EYS: variants seen among roughly 807,000 people sequenced by gnomAD.
EYS encodes the protein protein eyes shut homolog.
EYS carries 250 observed loss-of-function variants against 282.1 expected under a neutral mutation model. The ratio of observed to expected loss-of-function variants is 0.89; its 90% confidence interval spans 0.80 to 0.98. EYS has a LOEUF of 0.98. Ranked by LOEUF, EYS falls within the 50% of genes least tolerant of loss-of-function variation. The probability of loss-of-function intolerance (pLI) is 0.00; values close to 1 mark genes in which losing one functional copy is unlikely to be tolerated. For missense variants in EYS, 4,016 were observed against 3,709.0 expected (o/e 1.08, Z -2.15); for synonymous variants, 1,355 against 1,282.9 (o/e 1.06, Z -1.20).
At chr6:64,079,181 T>C (rs1194230586) in intron 32 of EYS, among the ~76,000 whole-genome samples, 2 of 152,092 alleles carry the variant, frequency 1.3e-5, no homozygotes, top group Non-Finnish European at 2.9e-5. Flanking sequence ...AGATTTTGTA[T>C]AAAAAACAAG....
chr6:64,808,622 TG>T (rs1764506652), intron 22 of EYS, among the ~76,000 whole-genome samples: 1 of 151,904 alleles, frequency 6.6e-6, no homozygotes, highest in Non-Finnish European at 1.5e-5. Context: ...CTGGGTTTCT[TG>T]GTAATTTTTT....
At chr6:65,401,300 A>T (rs1262522193) in intron 7 of EYS, among the ~76,000 whole-genome samples, 1 of 151,608 alleles carries the variant, frequency 6.6e-6, no homozygotes, top group African/African-American at 2.4e-5. Flanking sequence ...CTTCATACTT[A>T]ATTAATATTT....
chr6:64,291,762 C>T (rs1478566538), intron 30 of EYS, among the ~76,000 whole-genome samples: 23 of 151,728 alleles, frequency 1.5e-4, no homozygotes, highest in Admixed American at 1.5e-3. Flanking sequence ...TTATTTTTTA[C>T]TGGAATAAAA....
intron 5 of EYS, among the ~76,000 whole-genome samples, chr6:65,430,920 G>T (rs927491116): frequency 1.3e-5 from 2 of 152,200 alleles, no homozygotes; most frequent in Non-Finnish European, 2.9e-5. Flanking sequence ...GAGCCTCTGA[G>T]ACTTGCTGTC....
intron 31 of EYS, among the ~76,000 whole-genome samples, chr6:64,091,923 C>T (rs1340917587): frequency 6.6e-6 from 1 of 152,088 alleles, no homozygotes; most frequent in Non-Finnish European, 1.5e-5. Context: ...ACAACAGGCC[C>T]CAGTGTGTGA....
chr6:65,697,952 A>C (rs2149849625), intron 1 of EYS, among the ~76,000 whole-genome samples: 1 of 152,290 alleles, frequency 6.6e-6, no homozygotes, highest in South Asian at 2.1e-4. Context: ...AAATATACAA[A>C]GTAACAAATA....
At chr6:63,933,450 GC>G (rs946987644) in intron 35 of EYS, among the ~76,000 whole-genome samples, 1 of 152,106 alleles carries the variant, frequency 6.6e-6, no homozygotes, top group Admixed American at 6.5e-5. Context: ...CAGGTGATGT[GC>G]CCACCTCGGC....
At chr6:63,763,962 C>CCTCCCTCA (rs1045678932) in intron 40 of EYS, among the ~76,000 whole-genome samples, 1 of 148,364 alleles carries the variant, frequency 6.7e-6, no homozygotes, top group Non-Finnish European at 1.5e-5. Flanking sequence ...GGCCTCCCTC[C>CCTCCCTCA]CTCCCTCACT....
chr6:64,753,176 A>G (rs1400743878), intron 22 of EYS, among the ~76,000 whole-genome samples: 2 of 152,162 alleles, frequency 1.3e-5, no homozygotes, highest in East Asian at 1.9e-4. Flanking sequence ...GTCTTATAAA[A>G]TAAGTATACA....
intron 22 of EYS, among the ~76,000 whole-genome samples, chr6:64,647,256 A>G (rs1768386693): frequency 6.6e-6 from 1 of 152,180 alleles, no homozygotes. Flanking sequence ...TCTAAACAAA[A>G]ATGACTACAA....
chr6:64,592,021 A>G, intron 25 of EYS, 32 bp from the exon 26 acceptor site: 1 of 1,426,230 alleles, frequency 7.0e-7, no homozygotes, highest in Non-Finnish European at 9.2e-7. Context: ...AAAAGGTTAG[A>G]AAAATGAATC....
chr6:64,937,511 C>A (rs1298522816), intron 15 of EYS, among the ~76,000 whole-genome samples: 2 of 151,456 alleles, frequency 1.3e-5, no homozygotes, highest in African/African-American at 4.8e-5. Context: ...AAAAGAGATA[C>A]ACGAGGTCAG....
chr6:65,006,805 C>G (rs183135395), intron 13 of EYS, among the ~76,000 whole-genome samples: 2 of 152,204 alleles, frequency 1.3e-5, no homozygotes, highest in African/African-American at 4.8e-5. Context: ...GAAAAATTGC[C>G]TAATAATTGG....
chr6:65,547,930 T>C (rs1166806900), intron 2 of EYS, among the ~76,000 whole-genome samples: 1 of 152,186 alleles, frequency 6.6e-6, no homozygotes, highest in Non-Finnish European at 1.5e-5. Context: ...CTTATTTACC[T>C]TGACAAGGCT....
Position 65,324,148 on chromosome 6 carries a change from C to G in EYS, c.1766+10832G>C, listed in dbSNP as rs955298026. 2.7e-4 allele frequency among the ~76,000 whole-genome samples: 41 copies of G among 151,626 alleles called. 2 individuals carry two copies. The highest frequency in any genetic ancestry group is 6.8e-4 in the African/African-American group (28 of 41,404). ...TGCCTGGCTACGCTATATAAAATAG[C>G]CCCTTTCCCAGCTTTCTTTATCAAT... On this transcript the variant is annotated intron_variant, in intron 11 of 42. Coordinates refer to ENST00000503581, the MANE Select transcript of EYS (RefSeq NM_001142800.2).
At chr6:64,828,825 G>C (rs939452673) in intron 19 of EYS, among the ~76,000 whole-genome samples, 4 of 151,986 alleles carry the variant, frequency 2.6e-5, no homozygotes, top group African/African-American at 9.7e-5. Flanking sequence ...GGCCCTCCCT[G>C]GTGGCCATCT....
intron 29 of EYS, among the ~76,000 whole-genome samples, chr6:64,339,994 C>A (rs1487980642): frequency 3.3e-5 from 5 of 151,530 alleles, no homozygotes; most frequent in Non-Finnish European, 5.9e-5. Flanking sequence ...CAAATCACCA[C>A]TAAAGAACTT....
At chr6:65,058,951 T>C (rs1773491985) in intron 12 of EYS, among the ~76,000 whole-genome samples, 1 of 152,056 alleles carries the variant, frequency 6.6e-6, no homozygotes, top group African/African-American at 2.4e-5. Flanking sequence ...AACAGTAACA[T>C]GAATTTAGAA....
chr6:64,763,405 G>C (rs1226720492), intron 22 of EYS, among the ~76,000 whole-genome samples: 2 of 152,012 alleles, frequency 1.3e-5, no homozygotes, highest in Non-Finnish European at 2.9e-5. Flanking sequence ...CAGAGCAAGG[G>C]GAGATGTGCC....
Sources: allele counts gnomAD v4.1 joint callset (sites outside exome capture counted in the v4.1 genomes callset), GRCh38; gene constraint gnomAD v4.1.1; transcripts MANE v1.5; gene names NCBI Gene and HGNC (gene_info 2026-07-23, HGNC 2026-07-21).